The following RARB variants were observed in gnomAD, a reference collection of about 807,000 sequenced individuals.
The protein encoded by RARB is retinoic acid receptor beta, also known as HBV-activated protein.
A neutral mutation model predicts 51.9 loss-of-function variants in RARB; 17 were observed. The observed-to-expected ratio is 0.33, with a 90% confidence interval of 0.22 to 0.49. The LOEUF (loss-of-function observed/expected upper bound fraction) is 0.49. Among genes scored for constraint, RARB ranks in the 20% least tolerant of loss-of-function variants. The pLI is 0.99. For missense variants in RARB, 369 were observed against 550.8 expected (o/e 0.67, Z 3.30); for synonymous variants, 215 against 195.4 (o/e 1.10, Z -0.84).
At chr3:25,159,882 A>G (rs1004546927) in intron 4 of RARB, among the ~76,000 whole-genome samples, 12 of 152,182 alleles carry the variant, frequency 7.9e-5, no homozygotes, top group African/African-American at 2.9e-4. Context: ...AAACACCCAC[A>G]AAGAGAATAA....
intron 3 of RARB, among the ~76,000 whole-genome samples, chr3:25,526,919 A>G (rs1180677512): frequency 1.3e-5 from 2 of 152,194 alleles, no homozygotes; most frequent in Admixed American, 6.5e-5. Context: ...CTTGCCAGAA[A>G]ACCTTACTGA....
At chr3:24,898,107 G>GT (rs1246724464) in intron 2 of RARB, among the ~76,000 whole-genome samples, 5 of 152,218 alleles carry the variant, frequency 3.3e-5, no homozygotes, top group Admixed American at 2.0e-4. Context: ...AGGCCATGGA[G>GT]TTAGGAGTCA....
chr3:24,963,500 G>A (rs1696185472), intron 2 of RARB, among the ~76,000 whole-genome samples: 2 of 149,898 alleles, frequency 1.3e-5, no homozygotes, highest in African/African-American at 4.9e-5. Context: ...CTGAAAAAGA[G>A]ATTATTTTCC....
At position 25,266,981 on chromosome 3, in the gene RARB, C is replaced by G. The variant is rs1337197916; in HGVS notation, c.178+92406C>G. ...CCAAGCAGACTAACACAATCACCAACTTGGAAATACTGAGCAACCACAAAG... is the reference window on the plus strand; with the variant it reads ...CCAAGCAGACTAACACAATCACCAAGTTGGAAATACTGAGCAACCACAAAG... On this transcript the variant is annotated intron_variant, in intron 5 of 11. Coordinates refer to the RARB transcript ENST00000383772. Among the ~76,000 whole-genome samples the G allele has an allele frequency of 2.0e-5, 3 of 152,336 alleles. No homozygotes were observed. The East Asian group carries it at 5.8e-4, about 29-fold the overall frequency.
At chr3:25,478,016 A>G (rs1696041116) in intron 2 of RARB, among the ~76,000 whole-genome samples, 1 of 152,210 alleles carries the variant, frequency 6.6e-6, no homozygotes, top group African/African-American at 2.4e-5. Flanking sequence ...CAATACAAGC[A>G]GCTTCTTGAT....
chr3:24,870,793 A>G (rs764956254), intron 2 of RARB, among the ~76,000 whole-genome samples: 1 of 152,090 alleles, frequency 6.6e-6, no homozygotes, highest in Non-Finnish European at 1.5e-5. Context: ...GATGCGTGCA[A>G]TGTTTCTATA....
chr3:25,414,599 C>A (rs922977373), intron 5 of RARB, among the ~76,000 whole-genome samples: 3 of 152,100 alleles, frequency 2.0e-5, no homozygotes, highest in South Asian at 2.1e-4. Flanking sequence ...TTTAGCAATT[C>A]CAATAGGTAT....
intron 5 of RARB, among the ~76,000 whole-genome samples, chr3:25,285,909 T>A (rs954794275): frequency 6.6e-6 from 1 of 152,082 alleles, no homozygotes; most frequent in Non-Finnish European, 1.5e-5. Context: ...TACAAATACA[T>A]CTACACATGC....
intron 5 of RARB, among the ~76,000 whole-genome samples, chr3:25,280,384 C>T (rs1056160407): frequency 3.9e-5 from 6 of 152,106 alleles, no homozygotes; most frequent in Admixed American, 6.6e-5. Context: ...AGTGACTTTG[C>T]TGCTTCTGCT....
chr3:25,076,585 C>G (rs1698874396), intron 3 of RARB, among the ~76,000 whole-genome samples: 1 of 152,040 alleles, frequency 6.6e-6, no homozygotes, highest in Admixed American at 6.6e-5. Flanking sequence ...AAAAGTTTTC[C>G]CAATGTAGCT....
At chr3:24,949,365 C>CAT (rs1695841164) in intron 2 of RARB, among the ~76,000 whole-genome samples, 1 of 152,140 alleles carries the variant, frequency 6.6e-6, no homozygotes, top group African/African-American at 2.4e-5. Context: ...CCCCCCTGAA[C>CAT]ATATTGTACA....
chr3:24,998,955 A>T (rs1692415649), intron 2 of RARB, among the ~76,000 whole-genome samples: 1 of 152,116 alleles, frequency 6.6e-6, no homozygotes, highest in African/African-American at 2.4e-5. Context: ...CCTGCAAAGT[A>T]TTATCCTTAC....
intron 5 of RARB, among the ~76,000 whole-genome samples, chr3:25,287,078 A>G (rs1056467054): frequency 3.9e-5 from 6 of 152,166 alleles, no homozygotes; most frequent in African/African-American, 1.2e-4. Context: ...ATGTGACTCA[A>G]TTTTGTCATT....
intron 2 of RARB, among the ~76,000 whole-genome samples, chr3:25,493,263 T>A (rs1696838330): frequency 6.6e-6 from 1 of 152,224 alleles, no homozygotes; most frequent in African/African-American, 2.4e-5. Flanking sequence ...GTCTTCACTT[T>A]TCTCTTTCTC....
intron 5 of RARB, among the ~76,000 whole-genome samples, chr3:25,290,051 A>G (rs535000126): frequency 7.9e-4 from 121 of 152,260 alleles, no homozygotes; most frequent in African/African-American, 2.7e-3. Flanking sequence ...GGGGGATTTA[A>G]GAGAACCTTC....
At chr3:25,346,202 C>T (rs980671469) in intron 5 of RARB, among the ~76,000 whole-genome samples, 1 of 152,146 alleles carries the variant, frequency 6.6e-6, no homozygotes, top group African/African-American at 2.4e-5. Context: ...TCTCTAAATT[C>T]TTTTTTGCCA....
intron 5 of RARB, among the ~76,000 whole-genome samples, chr3:25,407,568 T>G (rs77644571): frequency 0.013 from 1,956 of 152,212 alleles, 51 homozygotes; most frequent in African/African-American, 0.045. Flanking sequence ...CCTCTCCCCT[T>G]TTTATGCCTA....
chr3:25,040,980 T>C (rs1252504355), intron 2 of RARB, among the ~76,000 whole-genome samples: 1 of 152,210 alleles, frequency 6.6e-6, no homozygotes, highest in Non-Finnish European at 1.5e-5. Context: ...ATTCATGCTG[T>C]ATCAACGGAA....
intron 2 of RARB, among the ~76,000 whole-genome samples, chr3:25,036,663 C>G (rs1243129968): frequency 6.6e-6 from 1 of 152,132 alleles, no homozygotes; most frequent in African/African-American, 2.4e-5. Flanking sequence ...TGTGCCCACA[C>G]CAGTACCTGA....
Sources: gnomAD v4.1 joint callset for allele counts (sites outside exome capture counted in the v4.1 genomes callset) on GRCh38, gnomAD v4.1.1 for gene constraint, MANE v1.5 for transcripts, NCBI Gene and HGNC (gene_info 2026-07-23, HGNC 2026-07-21) for gene names.